Variants in PDE4D observed in about 807,000 individuals in gnomAD.
The protein encoded by PDE4D is phosphodiesterase 4D.
PDE4D carries 24 observed loss-of-function variants against 87.4 expected under a neutral mutation model. That is an observed-to-expected ratio of 0.27 (90% confidence interval 0.20 to 0.39). The LOEUF is 0.39. Among genes scored for constraint, PDE4D ranks in the 10% least tolerant of loss-of-function variants. The probability of loss-of-function intolerance (pLI) is 1.00; values close to 1 mark genes in which losing one functional copy is unlikely to be tolerated. For missense variants in PDE4D, 714 were observed against 1,041.0 expected (o/e 0.69, Z 4.32); for synonymous variants, 384 against 383.2 (o/e 1.00, Z -0.02).
chr5:60,001,414 A>G (rs1332507964), intron 2 of PDE4D, among the ~76,000 whole-genome samples: 1 of 152,218 alleles, frequency 6.6e-6, no homozygotes, highest in African/African-American at 2.4e-5. Flanking sequence ...TAGCCTTCAG[A>G]AATGGAGAGG....
chr5:60,373,769 T>C (rs979456106), intron 1 of PDE4D, among the ~76,000 whole-genome samples: 4 of 152,194 alleles, frequency 2.6e-5, no homozygotes, highest in African/African-American at 9.6e-5. Flanking sequence ...AGAATCTATT[T>C]TCCTGCTTTT....
intron 2 of PDE4D, among the ~76,000 whole-genome samples, chr5:60,088,460 T>C (rs1042729005): frequency 2.6e-5 from 4 of 152,110 alleles, no homozygotes; most frequent in South Asian, 2.1e-4. Flanking sequence ...ATCTCAACAA[T>C]TGATTAAGAG....
At chr5:59,648,826 C>A (rs981637353) in intron 1 of PDE4D, among the ~76,000 whole-genome samples, 1 of 151,978 alleles carries the variant, frequency 6.6e-6, no homozygotes. Context: ...TTTCTGGCAA[C>A]ATGCCTCATA....
chr5:59,214,092 C>A (rs1750720900), intron 2 of PDE4D, among the ~76,000 whole-genome samples: 2 of 147,634 alleles, frequency 1.4e-5, no homozygotes, highest in Admixed American at 6.8e-5. Flanking sequence ...ATTCTATAAG[C>A]CTCTTGCATC....
chr5:59,231,336 G>A (rs144414104), intron 1 of PDE4D, among the ~76,000 whole-genome samples: 64 of 152,234 alleles, frequency 4.2e-4, no homozygotes, highest in Middle Eastern at 3.4e-3. Context: ...AGAAGTTCTC[G>A]TTCCCTTGCA....
intron 1 of PDE4D, among the ~76,000 whole-genome samples, chr5:59,601,183 G>T (rs1054357825): frequency 6.6e-6 from 1 of 152,128 alleles, no homozygotes; most frequent in South Asian, 2.1e-4. Context: ...AAGAACAGCA[G>T]AATAATGAGC....
intron 1 of PDE4D, among the ~76,000 whole-genome samples, chr5:59,235,990 A>C (rs555612050): frequency 6.6e-6 from 1 of 152,174 alleles, no homozygotes; most frequent in Non-Finnish European, 1.5e-5. Flanking sequence ...GAAAAATATG[A>C]ATGTATTTCT....
chr5:59,052,771 A>G (rs1314845252), intron 5 of PDE4D, among the ~76,000 whole-genome samples: 18 of 152,188 alleles, frequency 1.2e-4, no homozygotes, highest in Admixed American at 1.2e-3. Flanking sequence ...CCTCCAGGCC[A>G]TTTTCCCACA....
At chr5:59,263,575 A>G (rs1762380596) in intron 1 of PDE4D, among the ~76,000 whole-genome samples, 1 of 152,056 alleles carries the variant, frequency 6.6e-6, no homozygotes, top group African/African-American at 2.4e-5. Flanking sequence ...TAAATAGAAA[A>G]TCTGATTTTT....
At chr5:59,352,601 C>T (rs556117536) in intron 1 of PDE4D, among the ~76,000 whole-genome samples, 1 of 152,214 alleles carries the variant, frequency 6.6e-6, no homozygotes, top group Admixed American at 6.5e-5. Context: ...TCCTATGATC[C>T]CTGTTCATAT....
intron 1 of PDE4D, among the ~76,000 whole-genome samples, chr5:59,410,291 A>G (rs909845013): frequency 2.0e-5 from 3 of 151,894 alleles, no homozygotes; most frequent in Non-Finnish European, 2.9e-5. Flanking sequence ...TCACTCCATC[A>G]CCCAGGCTGG....
At chr5:59,731,309 T>C (rs1757329264) in intron 1 of PDE4D, among the ~76,000 whole-genome samples, 1 of 151,962 alleles carries the variant, frequency 6.6e-6, no homozygotes, top group African/African-American at 2.4e-5. Context: ...TTCTTTACCC[T>C]GGAATGAGGA....
At chr5:59,316,485 C>A (rs1773763910) in intron 1 of PDE4D, among the ~76,000 whole-genome samples, 1 of 152,020 alleles carries the variant, frequency 6.6e-6, no homozygotes, top group African/African-American at 2.4e-5. Context: ...TATAAAGGAT[C>A]AGAACTACAG....
Position 59,560,517 on chromosome 5 carries a change from C to T in PDE4D, c.455+332651G>A, listed in dbSNP as rs1008567470. Among the ~76,000 whole-genome samples, 4 of 152,150 alleles carry T rather than the reference C, an allele frequency of 2.6e-5. No homozygotes were observed. In the South Asian group the frequency reaches 6.2e-4, roughly 24 times the overall value. The stretch of plus-strand genomic sequence containing the variant: ...TGGTTCTTGTTCTCCGCTATCTCTG[C>T]GACTTTTCATCTTTAGTGGGGAGAA... On this transcript the variant is annotated intron_variant, in intron 1 of 14. Coordinates refer to ENST00000340635, the MANE Select transcript of PDE4D (RefSeq NM_001104631.2).
chr5:59,479,512 A>T (rs1268209761), intron 1 of PDE4D, among the ~76,000 whole-genome samples: 1 of 152,060 alleles, frequency 6.6e-6, no homozygotes, highest in East Asian at 1.9e-4. Context: ...TCCCATTTAC[A>T]TTTTTGCCTT....
intron 1 of PDE4D, among the ~76,000 whole-genome samples, chr5:60,392,375 T>C (rs1762612272): frequency 6.6e-6 from 1 of 151,904 alleles, no homozygotes; most frequent in African/African-American, 2.4e-5. Flanking sequence ...TTTTGTTTTT[T>C]CTAGTTGAAG....
At chr5:59,303,200 C>A (rs940921612) in intron 1 of PDE4D, among the ~76,000 whole-genome samples, 1 of 151,912 alleles carries the variant, frequency 6.6e-6, no homozygotes, top group Non-Finnish European at 1.5e-5. Context: ...TTGTGAATTG[C>A]CTACTCATGC....
chr5:59,594,343 A>G (rs2153704276), intron 1 of PDE4D, among the ~76,000 whole-genome samples: 1 of 140,288 alleles, frequency 7.1e-6, no homozygotes, highest in East Asian at 2.1e-4. Context: ...TTTATTTGGC[A>G]GAGTTTCGTT....
chr5:59,886,950 G>C (rs1439679875), intron 1 of PDE4D, among the ~76,000 whole-genome samples: 4 of 151,960 alleles, frequency 2.6e-5, no homozygotes, highest in Non-Finnish European at 5.9e-5. Flanking sequence ...ACAGGAATGA[G>C]GAGAGGTTGG....
Sources: allele counts gnomAD v4.1 joint callset (sites outside exome capture counted in the v4.1 genomes callset), GRCh38; gene constraint gnomAD v4.1.1; transcripts MANE v1.5; gene names NCBI Gene and HGNC (gene_info 2026-07-23, HGNC 2026-07-21).